Variants in PCNT observed in about 807,000 individuals in gnomAD.
The protein encoded by PCNT is kendrin.
PCNT carries 319 observed loss-of-function variants against 380.4 expected under a neutral mutation model. The ratio of observed to expected loss-of-function variants is 0.84; its 90% confidence interval spans 0.77 to 0.92. PCNT has a LOEUF of 0.92. PCNT is among the 40% of genes least tolerant of loss of function. The pLI, the probability that PCNT is intolerant of heterozygous loss-of-function variation, is 0.00. For missense variants in PCNT, 4,400 were observed against 4,255.3 expected (o/e 1.03, Z -0.95); for synonymous variants, 1,845 against 1,735.2 (o/e 1.06, Z -1.57).
At chr21:46,441,925 C>G (rs1328478600) in intron 43 of PCNT, among the ~76,000 whole-genome samples, 1 of 152,136 alleles carries the variant, frequency 6.6e-6, no homozygotes, top group Non-Finnish European at 1.5e-5. Context: ...TCTGCTATGC[C>G]TCAAAGGAGG....
Position 46,353,202 on chromosome 21 carries a change from C to T in PCNT, c.1555C>T (p.Leu519=), listed in dbSNP as rs1162191350. 1 of 1,613,984 alleles carries T rather than the reference C, an allele frequency of 6.2e-7. No homozygotes were observed. Among genetic ancestry groups the T allele is most frequent in the Non-Finnish European group, 8.5e-7 (1 of 1,180,022 alleles). Residue 519 remains leucine (L), a synonymous_variant, in exon 10 of 47, where the codon CTG becomes TTG. Coordinates refer to ENST00000359568, the MANE Select transcript of PCNT (RefSeq NM_006031.6). ...CCAGCATGAGTCCGAACTGGAGCAA[C>T]TGAGGATTTATTTTGAAAAGAAGTT... ...KTQHESELEQ[L]RIYFEKKLRD...
chr21:46,436,274 C>G (rs187157605), intron 39 of PCNT, 126 bp downstream of exon 39: 6 of 1,104,228 alleles, frequency 5.4e-6, no homozygotes, highest in Non-Finnish European at 7.9e-6. Flanking sequence ...CGCTCTAGTC[C>G]TCTTTCTGAG....
chr21:46,442,605 TCA>T (rs2053638364), intron 44 of PCNT, 32 bp downstream of exon 44: 1 of 1,320,908 alleles, frequency 7.6e-7, no homozygotes, highest in South Asian at 1.2e-5. Context: ...ACCGCTGGAC[TCA>T]CAAACCTTTC....
At chr21:46,442,878 C>T (rs1303897674) in intron 44 of PCNT, 3 of 424,234 alleles carry the variant, frequency 7.1e-6, no homozygotes, top group Non-Finnish European at 1.3e-5. Context: ...CTTAAATCAA[C>T]TGAAACTCAC....
intron 24 of PCNT, among the ~76,000 whole-genome samples, chr21:46,399,271 C>CTTGGTCTCTCTGTGCAGCCTG (rs1569252627): frequency 3.3e-5 from 5 of 149,658 alleles, no homozygotes; most frequent in Non-Finnish European, 3.0e-5. Context: ...GCCTGTGGGT[C>CTTGGTCTCTCTGTGCAGCCTG]TGGGTCTCTG....
At chr21:46,341,324 T>A (rs1344889363) in intron 3 of PCNT, among the ~76,000 whole-genome samples, 2 of 152,044 alleles carry the variant, frequency 1.3e-5, no homozygotes, top group Admixed American at 1.3e-4. Context: ...TTATTCCGCT[T>A]GGAGTAGCAC....
chr21:46,427,500 C>T (rs2087558175), intron 33 of PCNT, 122 bp from the exon 34 acceptor site: 4 of 1,067,596 alleles, frequency 3.7e-6, no homozygotes, highest in Non-Finnish European at 4.3e-6. Flanking sequence ...CTTAAGAGGC[C>T]TCATTTACCC....
chr21:46,422,699 A>T (rs2087306499), intron 32 of PCNT, among the ~76,000 whole-genome samples: 1 of 152,198 alleles, frequency 6.6e-6, no homozygotes. Context: ...CAAGTGGTAA[A>T]CATATTCCCA....
intron 2 of PCNT, among the ~76,000 whole-genome samples, chr21:46,328,003 T>C (rs1006790001): frequency 2.6e-5 from 4 of 152,132 alleles, no homozygotes; most frequent in Non-Finnish European, 4.4e-5. Context: ...TTTGTATGAA[T>C]TATGAACGAG....
At chr21:46,370,046 A>G (rs1002546736) in intron 15 of PCNT, among the ~76,000 whole-genome samples, 8 of 152,196 alleles carry the variant, frequency 5.3e-5, no homozygotes, top group Admixed American at 5.2e-4. Flanking sequence ...TGGTTCCCAC[A>G]GGGGTGCCTC....
chr21:46,390,375 C>T (rs1246293150), intron 19 of PCNT, among the ~76,000 whole-genome samples: 1 of 152,218 alleles, frequency 6.6e-6, no homozygotes, highest in Non-Finnish European at 1.5e-5. Flanking sequence ...TGGGTCTCAG[C>T]CTGTAGATGG....
chr21:46,412,113 C>G lies in PCNT; in HGVS notation c.5994+46C>G, dbSNP rs189197561. On this transcript the variant is annotated intron_variant, in intron 28 of 46. Coordinates refer to ENST00000359568, the MANE Select transcript of PCNT (RefSeq NM_006031.6). ...ATGGCAGGGTATTTTTTTTTACTCT[C>G]CTTTTCTCCTTTGATGTCAATGACT... 5.6e-4 allele frequency: 880 copies of G among 1,581,948 alleles called. 5 individuals are homozygous for G. The African/African-American group carries it at 0.01, about 19-fold the overall frequency.
At chr21:46,363,342 A>T in intron 13 of PCNT, 138 bp from the exon 14 acceptor site, 1 of 713,292 alleles carries the variant, frequency 1.4e-6, no homozygotes, top group Non-Finnish European at 2.5e-6. Context: ...CATGAGAATC[A>T]TTCCTGTTGC....
chr21:46,397,160 A>G, intron 21 of PCNT, 105 bp from the exon 22 acceptor site: 4 of 916,106 alleles, frequency 4.4e-6, no homozygotes, highest in African/African-American at 1.6e-5. Context: ...AAGTGACTTC[A>G]TTTTCGGTGG....
intron 2 of PCNT, among the ~76,000 whole-genome samples, chr21:46,329,592 C>T (rs997895862): frequency 2.0e-5 from 3 of 152,186 alleles, no homozygotes; most frequent in Non-Finnish European, 4.4e-5. Context: ...GATGCACACG[C>T]ACACTCACTG....
At chr21:46,383,549 G>A (rs1203790954) in intron 16 of PCNT, among the ~76,000 whole-genome samples, 1 of 144,104 alleles carries the variant, frequency 6.9e-6, no homozygotes, top group Non-Finnish European at 1.5e-5. Context: ...TCACAGTGTT[G>A]TATATTCAGT....
chr21:46,425,753 C>T lies in PCNT; in HGVS notation c.7180-78C>T. On this transcript the variant is annotated intron_variant, in intron 32 of 46. Transcript: ENST00000359568. This position sits in a 1 kb window ranked among gnomAD's most constrained non-coding sequence, Gnocchi z 4.2. ...GCCCTTCACAGAGTCCTGGCGGCAG[C>T]TCGGGGCCGCAGGTGGTGTAGAGCG... 1 of 1,601,494 alleles carries T rather than the reference C, an allele frequency of 6.2e-7. No homozygotes were observed. Among genetic ancestry groups the T allele is most frequent in the Non-Finnish European group, 8.5e-7 (1 of 1,174,362 alleles).
rs1465336854 is a variant in PCNT, at chr21:46,444,737, GCTT to G, written c.9886_9888del (p.Ser3296del). 1 of 1,612,296 alleles carries G rather than the reference GCTT, an allele frequency of 6.2e-7. No homozygotes were observed. The highest frequency in any genetic ancestry group is 1.7e-5 in the Admixed American group (1 of 59,902). On this transcript the variant is annotated inframe_deletion, in exon 46 of 47. Coordinates refer to ENST00000359568, the MANE Select transcript of PCNT (RefSeq NM_006031.6). ...TTCAAGATTAGAAAGATCCCTGACT[GCTT>G]CTCAAGATCCAGAACATTCCTTGAC...
chr21:46,411,771 C>T lies in PCNT; in HGVS notation c.5698C>T (p.Arg1900Cys), dbSNP rs529740865. The T allele has an allele frequency of 4.0e-5, 64 of 1,606,598 alleles. No homozygotes were observed. The highest frequency in any genetic ancestry group is 2.0e-4 in the East Asian group (9 of 44,734). The change falls in exon 28 of 47, where the codon CGC (arginine) becomes TGC (cysteine). Residue 1900 changes from arginine to cysteine, a missense_variant. Transcript: ENST00000359568. ...ELEAVLLALA[R>C]IRRALEQQPL... ...GGAGGCCGTCCTGTTGGCCTTGGCCCGCATCCGCCGCGCCCTGGAGCAGCA... is the reference window on the plus strand; with the variant it reads ...GGAGGCCGTCCTGTTGGCCTTGGCCTGCATCCGCCGCGCCCTGGAGCAGCA...
Sources: allele counts gnomAD v4.1 joint callset (sites outside exome capture counted in the v4.1 genomes callset), GRCh38; gene constraint gnomAD v4.1.1; non-coding constraint Gnocchi (gnomAD v3.1); transcripts MANE v1.5; gene names NCBI Gene and HGNC (gene_info 2026-07-23, HGNC 2026-07-21).